The following UBE2U variants were observed in gnomAD, a reference collection of about 807,000 sequenced individuals.
UBE2U encodes ubiquitin conjugating enzyme E2 U.
Under a neutral mutation model 41.2 loss-of-function variants are expected in UBE2U, and 39 were observed. The ratio of observed to expected loss-of-function variants is 0.95; its 90% CI spans 0.73 to 1.24. The LOEUF (loss-of-function observed/expected upper bound fraction) is 1.24. Ranked by LOEUF, UBE2U falls within the 50% of genes most tolerant of loss-of-function variation. The pLI is 0.00. For synonymous variants in UBE2U, 107 were observed against 117.8 expected (o/e 0.91, Z 0.60); for missense variants, 336 against 363.1 (o/e 0.93, Z 0.61).
intron 4 of UBE2U, among the ~76,000 whole-genome samples, chr1:64,212,070 G>T (rs2100268203): frequency 6.6e-6 from 1 of 152,128 alleles, no homozygotes; most frequent in East Asian, 1.9e-4. Context: ...TAATCTTTAG[G>T]AAAGATTCAA....
chr1:64,267,043 AC>A lies in UBE2U; in HGVS notation c.791del (p.Pro264GlnfsTer4). The A allele has an allele frequency of 1.3e-6, 2 of 1,548,784 alleles. No homozygotes were observed. Among genetic ancestry groups the A allele is most frequent in the Non-Finnish European group, 1.7e-6 (2 of 1,146,616 alleles). ...PTLNEIFLES[P>X]TAINSITDIY... The stretch of plus-strand genomic sequence containing the variant: ...CCACAGATGAAATTTTTCTTGAGTC[AC>A]CAACTGCAATAAATAGCATCACAGA... On this transcript the variant is annotated frameshift_variant, in exon 10 of 10. Transcript: ENST00000371077. LOFTEE classifies it low-confidence loss of function (END_TRUNC).
chr1:64,254,506 A>C (rs1557746149), intron 8 of UBE2U, among the ~76,000 whole-genome samples: 1 of 152,192 alleles, frequency 6.6e-6, no homozygotes, highest in Non-Finnish European at 1.5e-5. Context: ...TTGCATAATC[A>C]GAAGTAAAAC....
rs1325467592 is a variant in UBE2U at position 64,230,146 on chromosome 1, C to G, written c.507-2415C>G. 2.0e-5 allele frequency among the ~76,000 whole-genome samples: 3 copies of G among 152,176 alleles called. No individual in the cohort carries two copies. The East Asian group carries it at 5.8e-4, about 29-fold the overall frequency. On this transcript the variant is annotated intron_variant, in intron 6 of 9. Transcript: ENST00000371077. ...TAGCATTGCCTTCAACTCATCTCCTCCCTTTCATAACATTTGCTGCCACTC... is the reference window on the plus strand; with the variant it reads ...TAGCATTGCCTTCAACTCATCTCCTGCCTTTCATAACATTTGCTGCCACTC...
chr1:64,212,900 A>G (rs1360324106), intron 4 of UBE2U, among the ~76,000 whole-genome samples: 3 of 152,212 alleles, frequency 2.0e-5, no homozygotes, highest in African/African-American at 4.8e-5. Context: ...CAAATATATC[A>G]TGGAAAGCCA....
intron 8 of UBE2U, among the ~76,000 whole-genome samples, chr1:64,249,938 A>C (rs1010580155): frequency 5.3e-5 from 8 of 152,126 alleles, no homozygotes; most frequent in African/African-American, 1.9e-4. Context: ...AAACAGAAAT[A>C]TAAAGAAGCC....
chr1:64,219,583 C>T (rs904434625), intron 5 of UBE2U, among the ~76,000 whole-genome samples: 17 of 147,618 alleles, frequency 1.2e-4, no homozygotes, highest in African/African-American at 3.7e-4. Context: ...ATCTGATCCT[C>T]TAATTTTTTT....
At chr1:64,222,795 G>C (rs898099855) in intron 6 of UBE2U, among the ~76,000 whole-genome samples, 1 of 152,208 alleles carries the variant, frequency 6.6e-6, no homozygotes, top group African/African-American at 2.4e-5. Flanking sequence ...CATATGCTTA[G>C]AACTTTGCAT....
At chr1:64,226,939 T>G (rs977834550) in intron 6 of UBE2U, among the ~76,000 whole-genome samples, 2 of 152,200 alleles carry the variant, frequency 1.3e-5, no homozygotes, top group Admixed American at 1.3e-4. Flanking sequence ...AATGACCAAA[T>G]GGGTCTGATT....
chr1:64,212,582 A>G (rs75133470), intron 4 of UBE2U, among the ~76,000 whole-genome samples: 3 of 152,334 alleles, frequency 2.0e-5, no homozygotes, highest in Non-Finnish European at 4.4e-5. Context: ...GTCCAAGAAA[A>G]TAACTCAATA....
chr1:64,223,797 A>G (rs760339602), intron 6 of UBE2U, among the ~76,000 whole-genome samples: 6 of 152,136 alleles, frequency 3.9e-5, no homozygotes, highest in Non-Finnish European at 8.8e-5. Flanking sequence ...TGGCTTCTAG[A>G]GGCAGAATGG....
intron 9 of UBE2U, among the ~76,000 whole-genome samples, chr1:64,265,023 TG>T (rs1188059900): frequency 6.6e-6 from 1 of 152,116 alleles, no homozygotes; most frequent in Non-Finnish European, 1.5e-5. Context: ...GGAAATATGC[TG>T]GGCACTTCAG....
chr1:64,225,722 T>C (rs896704872), intron 6 of UBE2U, among the ~76,000 whole-genome samples: 4 of 152,214 alleles, frequency 2.6e-5, no homozygotes, highest in African/African-American at 9.6e-5. Flanking sequence ...ACTGATTCGA[T>C]GTGAGTTGTG....
intron 7 of UBE2U, 86 bp from the exon 8 acceptor site, chr1:64,241,566 G>C: frequency 1.1e-6 from 1 of 921,182 alleles, no homozygotes; most frequent in South Asian, 1.6e-5. Context: ...TCAAGTTAAT[G>C]AGAAGTGAAT....
chr1:64,250,452 C>G (rs942578759), intron 8 of UBE2U, among the ~76,000 whole-genome samples: 1 of 152,156 alleles, frequency 6.6e-6, no homozygotes, highest in South Asian at 2.1e-4. Flanking sequence ...GGAAACACTT[C>G]CCAGCACGTT....
intron 5 of UBE2U, among the ~76,000 whole-genome samples, chr1:64,219,067 G>A (rs1266858836): frequency 6.6e-6 from 1 of 152,114 alleles, no homozygotes; most frequent in African/African-American, 2.4e-5. Context: ...CTTGTGGTTG[G>A]TTTTGCTCCT....
rs1039760456 is a variant in UBE2U, at chr1:64,251,682, G to A, written c.678-8921G>A. Among the ~76,000 whole-genome samples, 4 of 152,318 alleles carry A rather than the reference G, an allele frequency of 2.6e-5. No individual in the cohort carries two copies. The South Asian group carries it at 8.3e-4, about 32-fold the overall frequency. ...TGTGTGACCCTGCCCAGGAAACCAT[G>A]CTTCTCCCACGGATCTTTGCAACTC... On this transcript the variant is annotated intron_variant, in intron 8 of 9. Coordinates refer to ENST00000371077, the MANE Select transcript of UBE2U (RefSeq NM_001366232.2).
intron 6 of UBE2U, among the ~76,000 whole-genome samples, chr1:64,229,681 C>T (rs547587474): frequency 1.6e-4 from 25 of 152,172 alleles, no homozygotes; most frequent in Admixed American, 7.2e-4. Context: ...GTTAGGCTTT[C>T]GTTGTGGCTG....
intron 7 of UBE2U, among the ~76,000 whole-genome samples, chr1:64,239,153 GAAGAAA>G (rs1557730856): frequency 1.7e-3 from 47 of 27,936 alleles, no homozygotes; most frequent in East Asian, 4.8e-3. Flanking sequence ...AGAAGAAGAA[GAAGAAA>G]GAAGAAGAAG....
At chr1:64,235,234 T>C (rs1392091774) in intron 7 of UBE2U, among the ~76,000 whole-genome samples, 4 of 152,226 alleles carry the variant, frequency 2.6e-5, no homozygotes, top group African/African-American at 9.6e-5. Context: ...TCCCTGTTTG[T>C]AAAGGTAATA....
Sources: gnomAD v4.1 joint callset for allele counts (sites outside exome capture counted in the v4.1 genomes callset) on GRCh38, gnomAD v4.1.1 for gene constraint, MANE v1.5 for transcripts, NCBI Gene and HGNC (gene_info 2026-07-23, HGNC 2026-07-21) for gene names.